Variants in CALN1 observed in about 807,000 individuals in gnomAD.
The protein encoded by CALN1 is calneuron 1, also known as calcium-binding protein 8.
In CALN1, 17 loss-of-function variants were observed where a neutral mutation model predicts 30.6. The ratio of observed to expected loss-of-function variants is 0.56; its 90% confidence interval spans 0.38 to 0.83. CALN1 has a LOEUF of 0.83. Among genes scored for constraint, CALN1 ranks in the 40% least tolerant of loss-of-function variants. The pLI is 0.00. For missense variants in CALN1, 291 were observed against 354.9 expected, an observed-to-expected ratio of 0.82 and a Z score of 1.45; for synonymous variants, 156 against 131.4, an observed-to-expected ratio of 1.19 and a Z score of -1.28.
intron 2 of CALN1, among the ~76,000 whole-genome samples, chr7:72,328,325 G>A (rs907757966): frequency 6.6e-6 from 1 of 152,110 alleles, no homozygotes; most frequent in Non-Finnish European, 1.5e-5. Context: ...CTGTTCTCAT[G>A]GTAGTGAATA....
At chr7:71,987,130 A>G (rs1226166956) in intron 5 of CALN1, among the ~76,000 whole-genome samples, 2 of 152,176 alleles carry the variant, frequency 1.3e-5, no homozygotes, top group African/African-American at 2.4e-5. Context: ...CGTGTCAAAA[A>G]AAAAAAAAAA....
At chr7:72,430,111 G>A (rs1030799759) in intron 1 of CALN1, among the ~76,000 whole-genome samples, 7 of 150,698 alleles carry the variant, frequency 4.6e-5, no homozygotes, top group African/African-American at 7.3e-5. Context: ...GTGAGCCACC[G>A]CCCGGCCTGT....
intron 3 of CALN1, among the ~76,000 whole-genome samples, chr7:72,161,697 G>GT (rs1344289542): frequency 3.9e-5 from 6 of 152,052 alleles, no homozygotes; most frequent in Non-Finnish European, 8.8e-5. Flanking sequence ...GTTCTCACTT[G>GT]TAAGTGGGAG....
chr7:72,344,280 G>A (rs1802514448), intron 2 of CALN1, among the ~76,000 whole-genome samples: 1 of 152,094 alleles, frequency 6.6e-6, no homozygotes, highest in South Asian at 2.1e-4. Flanking sequence ...AGAACCACAA[G>A]AGGCAGTCAT....
intron 5 of CALN1, among the ~76,000 whole-genome samples, chr7:71,914,851 GAA>G (rs1336884675): frequency 1.3e-5 from 2 of 152,090 alleles, no homozygotes; most frequent in African/African-American, 4.8e-5. Flanking sequence ...GCCTTCTCTT[GAA>G]AAGTGTCTGT....
intron 3 of CALN1, among the ~76,000 whole-genome samples, chr7:72,267,506 G>C (rs1796676206): frequency 6.6e-6 from 1 of 152,206 alleles, no homozygotes; most frequent in Admixed American, 6.5e-5. Flanking sequence ...TGGTGGCAGA[G>C]ATATATGTGA....
At chr7:72,413,201 T>TCA (rs59261666), upstream of CALN1, among the ~76,000 whole-genome samples, 14,908 of 151,126 alleles carry the variant, frequency 0.099, 1,327 homozygotes, top group East Asian at 0.33. Flanking sequence ...GCCCACCCAC[T>TCA]CACACACACA....
At chr7:72,056,894 T>C (rs1803289553) in intron 4 of CALN1, among the ~76,000 whole-genome samples, 1 of 152,150 alleles carries the variant, frequency 6.6e-6, no homozygotes, top group African/African-American at 2.4e-5. Context: ...TGAGCTAGCA[T>C]TTTCCACATC....
rs1791927787 is a variant in CALN1 at position 72,206,925 on chromosome 7, T to A, written c.244+71761A>T. Among the ~76,000 whole-genome samples the A allele has an allele frequency of 1.3e-5, 2 of 152,186 alleles. 1 individual carries two copies. Among genetic ancestry groups the A allele is most frequent in the South Asian group, 4.1e-4 (2 of 4,824 alleles). ...TCATTGAATGAGGTAGGTCCCTGTA[T>A]TTTTATAAGAACCAAAGACTAGTAA... On this transcript the variant is annotated intron_variant, in intron 3 of 6. Coordinates refer to ENST00000395275, the MANE Select transcript of CALN1 (RefSeq NM_031468.4).
chr7:72,298,747 G>A (rs2129555456), intron 2 of CALN1, among the ~76,000 whole-genome samples: 1 of 151,644 alleles, frequency 6.6e-6, no homozygotes, highest in South Asian at 2.1e-4. Context: ...ATGGGGGCGG[G>A]TCTTTCCTGC....
At chr7:72,483,843 T>C in the CALN1 span, among the ~76,000 whole-genome samples, 15 of 152,168 alleles carry the variant, frequency 9.9e-5, no homozygotes, top group Non-Finnish European at 2.1e-4. Context: ...AGTTCACTAA[T>C]CTTTTATTCT....
intron 3 of CALN1, among the ~76,000 whole-genome samples, chr7:72,268,048 C>A (rs1032776504): frequency 7.9e-5 from 12 of 152,042 alleles, no homozygotes; most frequent in Non-Finnish European, 1.8e-4. Context: ...ATAGTATATG[C>A]ATAATAGGAT....
chr7:71,835,010 A>C lies in CALN1; in HGVS notation c.502-24518T>G, dbSNP rs560402166. Among the ~76,000 whole-genome samples the C allele has an allele frequency of 1.3e-4, 20 of 152,042 alleles. 1 individual carries two copies. Among genetic ancestry groups the C allele is most frequent in the African/African-American group, 4.6e-4 (19 of 41,492 alleles). On this transcript the variant is annotated intron_variant, in intron 5 of 6. Coordinates refer to ENST00000395275, the MANE Select transcript of CALN1 (RefSeq NM_031468.4). ...CCATGCCCAGGTAATTTTAAAAAAAATTTTCATAGGGACGAGGTCTCACTA... is the reference window on the plus strand; with the variant it reads ...CCATGCCCAGGTAATTTTAAAAAAACTTTTCATAGGGACGAGGTCTCACTA...
chr7:71,871,913 G>C (rs950443484), intron 5 of CALN1, among the ~76,000 whole-genome samples: 1 of 151,904 alleles, frequency 6.6e-6, no homozygotes, highest in African/African-American at 2.4e-5. Flanking sequence ...CCATGGTCTC[G>C]ATCAGGACCA....
chr7:71,821,389 C>A (rs1186945228), intron 5 of CALN1, among the ~76,000 whole-genome samples: 1 of 152,154 alleles, frequency 6.6e-6, no homozygotes, highest in Admixed American at 6.6e-5. Context: ...CACCGTTCCA[C>A]ATGGCTGGGG....
intron 5 of CALN1, among the ~76,000 whole-genome samples, chr7:72,017,849 C>G (rs1216172377): frequency 6.6e-6 from 1 of 152,042 alleles, no homozygotes; most frequent in Non-Finnish European, 1.5e-5. Context: ...TCACTCTGGC[C>G]GAGGTGTTCT....
At chr7:71,791,868 G>A (rs1048520214) in intron 6 of CALN1, among the ~76,000 whole-genome samples, 57 of 152,264 alleles carry the variant, frequency 3.7e-4, no homozygotes, top group African/African-American at 1.3e-3. Context: ...AAAATTAGCC[G>A]GGCGTGTTGG....
intron 6 of CALN1, among the ~76,000 whole-genome samples, chr7:71,790,026 C>A (rs550120168): frequency 2.1e-3 from 316 of 151,836 alleles, no homozygotes; most frequent in Non-Finnish European, 3.2e-3. Flanking sequence ...ATCGCTTGAG[C>A]CCAAGAGCTC....
chr7:72,143,921 A>G (rs1810152139), intron 3 of CALN1, among the ~76,000 whole-genome samples: 1 of 152,196 alleles, frequency 6.6e-6, no homozygotes, highest in African/African-American at 2.4e-5. Flanking sequence ...AGACAAGCAA[A>G]TGCTGAGAGA....
Sources: gnomAD v4.1 joint callset for allele counts (sites outside exome capture counted in the v4.1 genomes callset) on GRCh38, gnomAD v4.1.1 for gene constraint, MANE v1.5 for transcripts, NCBI Gene and HGNC (gene_info 2026-07-23, HGNC 2026-07-21) for gene names.